The following GAL3ST3 variants were observed in gnomAD, a reference collection of about 807,000 sequenced individuals.
The protein encoded by GAL3ST3 is galactose-3-O-sulfotransferase 3, also known as beta-galactose-3-O-sulfotransferase 3.
In GAL3ST3, 21 loss-of-function variants were observed where a neutral mutation model predicts 20.8. That is an observed-to-expected ratio of 1.01 (90% CI 0.72 to 1.45). The LOEUF (loss-of-function observed/expected upper bound fraction) is 1.45. GAL3ST3 is among the 40% of genes most tolerant of loss of function. GAL3ST3 has a pLI of 0.00. For synonymous variants in GAL3ST3, 355 were observed against 307.2 expected, an observed-to-expected ratio of 1.16 and a Z score of -1.63; for missense variants, 739 against 662.7, an observed-to-expected ratio of 1.12 and a Z score of -1.26.
chr11:66,044,282 C>T (rs751757300), intron 2 of GAL3ST3, among the ~76,000 whole-genome samples: 2 of 152,228 alleles, frequency 1.3e-5, no homozygotes, highest in African/African-American at 2.4e-5. Context: ...GTAAGCCACA[C>T]CTGGCTTCCT....
At chr11:66,043,797 G>T in intron 2 of GAL3ST3, 120 bp from the exon 3 acceptor site, 2 of 868,062 alleles carry the variant, frequency 2.3e-6, no homozygotes, top group Non-Finnish European at 3.5e-6. Flanking sequence ...TGCACTCATG[G>T]AAAGGTCGAG....
Position 66,043,412 on chromosome 11 carries a change from G to A in GAL3ST3, c.391C>T (p.Arg131Cys), listed in dbSNP as rs150888474. 12 of 1,609,944 alleles carry A rather than the reference G, an allele frequency of 7.5e-6. No individual in the cohort carries two copies. Among genetic ancestry groups the A allele is most frequent in the East Asian group, 4.5e-5 (2 of 44,766 alleles). Residue 131 changes from arginine (R) to cysteine (C), a missense_variant, in exon 3 of 3, where the codon CGC (arginine) becomes TGC (cysteine). Arg to Cys is a radical substitution (Grantham distance 180, BLOSUM62 -3). Transcript: ENST00000312006. ...CGCTCCAGCTCCGCACGGTCGAAGCGCAGGTGGCTGGCCAGCACGTGCGGC... is the reference window on the plus strand; with the variant it reads ...CGCTCCAGCTCCGCACGGTCGAAGCACAGGTGGCTGGCCAGCACGTGCGGC... ...RPPHVLASHL[R>C]FDRAELERLM...
rs963813945 is a variant in GAL3ST3 at position 66,045,329 on chromosome 11, G to A, written c.87C>T (p.Thr29=). ...CCCCCTGGTGGATGAGAAGGCTTACGGTGCTGCACCCTAGCACCAGCAGCA... is the reference window on the plus strand; with the variant it reads ...CCCCCTGGTGGATGAGAAGGCTTACAGTGCTGCACCCTAGCACCAGCAGCA... ...KILLLVLGCS[T]VSLLIHQGAQ... Residue 29 remains threonine (T), a synonymous_variant, in exon 2 of 3, where the codon ACC becomes ACT. Coordinates refer to ENST00000312006, the MANE Select transcript of GAL3ST3 (RefSeq NM_033036.3). 2 of 1,601,032 alleles carry A rather than the reference G, an allele frequency of 1.2e-6. No individual in the cohort carries two copies. The highest frequency in any genetic ancestry group is 1.7e-6 in the Non-Finnish European group (2 of 1,173,202).
At chr11:66,047,716 C>G (rs1856796678) in intron 1 of GAL3ST3, among the ~76,000 whole-genome samples, 1 of 152,208 alleles carries the variant, frequency 6.6e-6, no homozygotes, top group Non-Finnish European at 1.5e-5. Flanking sequence ...CAGGTTCTTT[C>G]CGGGACAGCC....
intron 2 of GAL3ST3, 183 bp downstream of exon 2, chr11:66,045,108 G>A (rs1856766260): frequency 2.2e-6 from 1 of 454,914 alleles, no homozygotes; most frequent in Non-Finnish European, 3.8e-6. Flanking sequence ...AACTGATTCT[G>A]TAACTTTGAG....
At chr11:66,047,681 A>G (rs940054463) in intron 1 of GAL3ST3, among the ~76,000 whole-genome samples, 1 of 152,174 alleles carries the variant, frequency 6.6e-6, no homozygotes, top group Non-Finnish European at 1.5e-5. Flanking sequence ...AGCCTGGTCC[A>G]TTTCTGAGCA....
At chr11:66,048,418 C>T (rs1361944573) in intron 1 of GAL3ST3, among the ~76,000 whole-genome samples, 1 of 152,046 alleles carries the variant, frequency 6.6e-6, no homozygotes, top group Admixed American at 6.5e-5. Context: ...AACCGATGCA[C>T]TTAGAGGAAG....
In GAL3ST3 at chr11:66,043,342, G is replaced by A. The variant is rs764933125; in HGVS notation, c.461C>T (p.Pro154Leu). The A allele has an allele frequency of 1.2e-6, 2 of 1,610,018 alleles. No individual in the cohort carries two copies. The highest frequency in any genetic ancestry group is 1.3e-5 in the African/African-American group (1 of 74,966). ...GAAGAGCGACTCGAACATGGCGGCC[G>A]GCTCGCGCAGGATGGTGACATAGAC... is the stretch of plus-strand genomic sequence containing the variant. ...STVYVTILRE[P>L]AAMFESLFSY... Residue 154 changes from proline to leucine, a missense_variant, in exon 3 of 3, where the codon CCG becomes CTG. Coordinates refer to ENST00000312006, the MANE Select transcript of GAL3ST3 (RefSeq NM_033036.3).
intron 1 of GAL3ST3, among the ~76,000 whole-genome samples, chr11:66,047,305 A>G (rs1005222865): frequency 1.3e-5 from 2 of 152,216 alleles, no homozygotes; most frequent in Non-Finnish European, 2.9e-5. Context: ...CAAGATGGGA[A>G]GAGGGGAGTC....
intron 2 of GAL3ST3, 172 bp downstream of exon 2, chr11:66,045,119 C>CAAGT: frequency 2.1e-6 from 1 of 476,512 alleles, no homozygotes; most frequent in Non-Finnish European, 3.6e-6. Context: ...TAACTTTGAG[C>CAAGT]AAGTCACTCA....
Position 66,043,225 on chromosome 11 carries a change from G to T in GAL3ST3, c.578C>A (p.Ala193Asp), listed in dbSNP as rs1324529607. 7 of 1,612,430 alleles carry T rather than the reference G, an allele frequency of 4.3e-6. No homozygotes were observed. The highest frequency in any genetic ancestry group is 5.1e-6 in the Non-Finnish European group (6 of 1,179,466). Reference protein sequence around the residue: ...FLRAPEAYYRAGEHFAMFAHN... With the variant: ...FLRAPEAYYRDGEHFAMFAHN... ...TGCGAACATGGCGAAGTGCTCGCCA[G>T]CGCGGTAGTATGCCTCGGGCGCGCG... is the stretch of plus-strand genomic sequence containing the variant. Residue 193 changes from alanine (A) to aspartate (D), a missense_variant, in exon 3 of 3, where the codon GCT becomes GAT. Coordinates refer to ENST00000312006, the MANE Select transcript of GAL3ST3 (RefSeq NM_033036.3).
In GAL3ST3 at chr11:66,045,271, C is replaced by G. The variant is rs772421266; in HGVS notation, c.125+20G>C. The G allele has an allele frequency of 2.6e-5, 39 of 1,514,276 alleles. No individual in the cohort carries two copies. Among genetic ancestry groups the G allele is most frequent in the Non-Finnish European group, 3.3e-5 (37 of 1,129,514 alleles). The allele number at this position is 1,514,276 out of a possible 1,614,324, so 93.8% of individuals were successfully genotyped here. A position where few individuals can be genotyped will look rare whatever the true frequency, so the allele number is the denominator to read the frequency against. On this transcript the variant is annotated intron_variant, in intron 2 of 2. Coordinates refer to ENST00000312006, the MANE Select transcript of GAL3ST3 (RefSeq NM_033036.3). ...AATGGGGAGGGGAGCTCCGGCCCCC[C>G]TGGGGCCCCGCCCCCTTACCAGCTG...
chr11:66,045,170 G>T, intron 2 of GAL3ST3, 121 bp downstream of exon 2: 1 of 809,152 alleles, frequency 1.2e-6, no homozygotes, highest in Non-Finnish European at 1.8e-6. Flanking sequence ...GGGAGGCTGT[G>T]TGGCCCTAAA....
chr11:66,042,990 G>C lies in GAL3ST3; in HGVS notation c.813C>G (p.Ala271=), dbSNP rs199963338. Reference sequence around the variant, plus strand: ...GGATGGCGGCCAGGCGCGAGCTGGCGGCGCGCGCGTTGAGCTTGGCGTAGA... The same window carrying C: ...GGATGGCGGCCAGGCGCGAGCTGGCCGCGCGCGCGTTGAGCTTGGCGTAGA... ...DVLYAKLNAR[A]ASSRLAAIPA... The change falls in exon 3 of 3, where the codon GCC becomes GCG. Residue 271 remains alanine (A), a synonymous_variant. Transcript: ENST00000312006. 3.8e-6 allele frequency: 6 copies of C among 1,591,472 alleles called. No homozygotes were observed. Among genetic ancestry groups the C allele is most frequent in the Non-Finnish European group, 5.1e-6 (6 of 1,172,544 alleles).
At position 66,042,587 on chromosome 11, in the gene GAL3ST3, G is replaced by A. The variant is rs1388838280; in HGVS notation, c.1216C>T (p.Arg406Trp). 2 of 1,535,478 alleles carry A rather than the reference G, an allele frequency of 1.3e-6. No homozygotes were observed. The highest frequency in any genetic ancestry group is 2.4e-5 in the East Asian group (1 of 41,414). ...LRKQKRRGGA[R>W]ARPEPVLDNP... ...TCCAGGACGGGCTCGGGCCGAGCCC[G>A]CGCACCGCCCCGGCGCTTCTGCTTG... is the stretch of plus-strand genomic sequence containing the variant. Residue 406 changes from arginine (R) to tryptophan (W), a missense_variant, in exon 3 of 3, where the codon CGG becomes TGG. Coordinates refer to ENST00000312006, the MANE Select transcript of GAL3ST3 (RefSeq NM_033036.3).
chr11:66,042,669 G>T lies in GAL3ST3; in HGVS notation c.1134C>A (p.Thr378=), dbSNP rs1318600896. ...GCATGGCCAGCTTGAGGCAGGCCTC[G>T]GTGGCCGGGCCGGCGCCGCCGCCGG... ...DLPGGGAGPA[T]EACLKLAMPE... is the part of the protein sequence containing the mutation. The change falls in exon 3 of 3, where the codon ACC becomes ACA. Residue 378 remains threonine, a synonymous_variant. Coordinates refer to ENST00000312006, the MANE Select transcript of GAL3ST3 (RefSeq NM_033036.3). 2.6e-6 allele frequency: 4 copies of T among 1,534,506 alleles called. No individual in the cohort carries two copies. Among genetic ancestry groups the T allele is most frequent in the Non-Finnish European group, 3.5e-6 (4 of 1,146,074 alleles).
chr11:66,047,060 C>T (rs60283362), intron 1 of GAL3ST3, among the ~76,000 whole-genome samples: 3,859 of 152,256 alleles, frequency 0.025, 162 homozygotes, highest in African/African-American at 0.087. Context: ...CAGACTTAAT[C>T]CGGCCGGAGC....
In GAL3ST3 at chr11:66,042,701, C is replaced by G. The variant is rs1856721157; in HGVS notation, c.1102G>C (p.Asp368His). The part of the protein sequence containing the change: ...PSRKVDIMGY[D>H]LPGGGAGPAT... ...GGGCCGGCGCCGCCGCCGGGCAGGT[C>G]ATAGCCCATAATGTCCACCTTGCGG... Residue 368 changes from aspartate (D) to histidine (H), a missense_variant, in exon 3 of 3, where the codon GAC (aspartate) becomes CAC (histidine). Asp to His is a moderately conservative substitution (Grantham distance 81). Transcript: ENST00000312006. The G allele has an allele frequency of 3.3e-6, 5 of 1,533,932 alleles. No homozygotes were observed. Among genetic ancestry groups the G allele is most frequent in the Non-Finnish European group, 4.4e-6 (5 of 1,145,844 alleles).
At position 66,042,683 on chromosome 11, in the gene GAL3ST3, C is replaced by A. The variant is rs756240822; in HGVS notation, c.1120G>T (p.Ala374Ser). ...AGGCAGGCCTCGGTGGCCGGGCCGG[C>A]GCCGCCGCCGGGCAGGTCATAGCCC... is the stretch of plus-strand genomic sequence containing the variant. ...IMGYDLPGGG[A>S]GPATEACLKL... is the part of the protein sequence containing the mutation. The change falls in exon 3 of 3, where the codon GCC becomes TCC. Residue 374 changes from alanine to serine, a missense_variant. Physicochemically the swap from Ala to Ser is moderately conservative, Grantham distance 99 (BLOSUM62 1). Coordinates refer to ENST00000312006, the MANE Select transcript of GAL3ST3 (RefSeq NM_033036.3). The A allele has an allele frequency of 6.5e-7, 1 of 1,533,994 alleles. No homozygotes were observed. The highest frequency in any genetic ancestry group is 1.2e-5 in the South Asian group (1 of 83,946).
Sources: gnomAD v4.1 joint callset for allele counts (sites outside exome capture counted in the v4.1 genomes callset) on GRCh38, gnomAD v4.1.1 for gene constraint, MANE v1.5 for transcripts, NCBI Gene and HGNC (gene_info 2026-07-23, HGNC 2026-07-21) for gene names.